SLC26A7: variants seen among roughly 807,000 people sequenced by gnomAD.
SLC26A7 encodes anion exchange transporter.
SLC26A7 carries 59 observed loss-of-function variants against 82.5 expected under a neutral mutation model. The ratio of observed to expected loss-of-function variants is 0.72; its 90% CI spans 0.58 to 0.89. SLC26A7 has a LOEUF of 0.89. SLC26A7 is among the 40% of genes least tolerant of loss of function. SLC26A7 has a pLI of 0.00. For synonymous variants in SLC26A7, 271 were observed against 274.3 expected, an observed-to-expected ratio of 0.99 and a Z score of 0.12; for missense variants, 820 against 793.0, an observed-to-expected ratio of 1.03 and a Z score of -0.41.
chr8:91,358,630 G>GTGA lies in SLC26A7; in HGVS notation c.1315-3723_1315-3722insTGA, dbSNP rs1225522644. ...CAGGTGTGAGTCACCGCACCTGGCC[G>GTGA]CACACATATGTTTGTTGCGGCACTA... On this transcript the variant is annotated intron_variant, in intron 11 of 18. Transcript: ENST00000276609. Among the ~76,000 whole-genome samples, 55 of 152,068 alleles carry GTGA rather than the reference G, an allele frequency of 3.6e-4. 2 individuals are homozygous for GTGA. The highest frequency in any genetic ancestry group is 3.4e-3 in the Middle Eastern group (1 of 294).
At chr8:91,341,442 C>A (rs1348016708) in intron 8 of SLC26A7, among the ~76,000 whole-genome samples, 1 of 152,202 alleles carries the variant, frequency 6.6e-6, no homozygotes, top group African/African-American at 2.4e-5. Flanking sequence ...CTGTGCTGGT[C>A]TGCAGAGAAG....
At chr8:91,236,330 A>G (rs1810392639) in intron 2 of SLC26A7, among the ~76,000 whole-genome samples, 1 of 152,150 alleles carries the variant, frequency 6.6e-6, no homozygotes, top group South Asian at 2.1e-4. Context: ...TCAGGGAATA[A>G]TAGAGTTAGG....
intron 4 of SLC26A7, among the ~76,000 whole-genome samples, chr8:91,310,951 T>A (rs1040149177): frequency 6.6e-6 from 1 of 152,124 alleles, no homozygotes; most frequent in Non-Finnish European, 1.5e-5. Flanking sequence ...AGCTTTCTAA[T>A]AAACTTTCAA....
chr8:91,367,984 C>A (rs1219210574), intron 14 of SLC26A7, among the ~76,000 whole-genome samples: 1 of 152,156 alleles, frequency 6.6e-6, no homozygotes, highest in Non-Finnish European at 1.5e-5. Flanking sequence ...TATACAGGAT[C>A]AGATACGTAA....
chr8:91,258,557 C>T (rs1810871173), intron 2 of SLC26A7, among the ~76,000 whole-genome samples: 2 of 152,034 alleles, frequency 1.3e-5, no homozygotes, highest in Admixed American at 6.6e-5. Context: ...GGCCACTTCC[C>T]TGACAGTACT....
intron 4 of SLC26A7, among the ~76,000 whole-genome samples, chr8:91,302,519 T>G (rs1812195163): frequency 6.6e-6 from 1 of 152,272 alleles, no homozygotes; most frequent in South Asian, 2.1e-4. Flanking sequence ...ATGTGATAGT[T>G]TCTGTGTTGT....
At chr8:91,298,248 A>C (rs1294118529) in intron 4 of SLC26A7, among the ~76,000 whole-genome samples, 1 of 151,836 alleles carries the variant, frequency 6.6e-6, no homozygotes, top group Non-Finnish European at 1.5e-5. Flanking sequence ...TGTAGCTTGT[A>C]TTTGTCTAAA....
At chr8:91,365,296 A>G (rs911971797) in intron 13 of SLC26A7, among the ~76,000 whole-genome samples, 2 of 152,220 alleles carry the variant, frequency 1.3e-5, no homozygotes, top group African/African-American at 4.8e-5. Flanking sequence ...ACTAACACTA[A>G]TGATAGTTGA....
chr8:91,271,805 A>G (rs981375615), intron 2 of SLC26A7, among the ~76,000 whole-genome samples: 3 of 152,116 alleles, frequency 2.0e-5, no homozygotes, highest in African/African-American at 7.2e-5. Context: ...CGTATTAGCC[A>G]GGATGGTCTC....
chr8:91,283,706 C>A (rs1234724932), intron 2 of SLC26A7, among the ~76,000 whole-genome samples: 2 of 152,122 alleles, frequency 1.3e-5, no homozygotes, highest in Non-Finnish European at 2.9e-5. Context: ...CTCTGAAGCT[C>A]AATATTCACG....
intron 4 of SLC26A7, among the ~76,000 whole-genome samples, chr8:91,307,773 C>T (rs1279063945): frequency 6.8e-6 from 1 of 147,934 alleles, no homozygotes; most frequent in Non-Finnish European, 1.5e-5. Context: ...ACAATGTGCA[C>T]ATGTACCCTA....
Position 91,318,189 on chromosome 8 carries a change from C to G in SLC26A7, c.478-27C>G, listed in dbSNP as rs76902869. The G allele has an allele frequency of 1.9e-3, 3,019 of 1,560,058 alleles. 68 individuals are homozygous for G. The South Asian group carries it at 0.026, about 14-fold the overall frequency. The stretch of plus-strand genomic sequence containing the variant: ...ACTTTGGGGAGTTTCATCTGAAGTT[C>G]ATCTCACTTCTCCCTTCTCCTCTTA... On this transcript the variant is annotated intron_variant, in intron 4 of 18. Transcript: ENST00000276609.
Position 91,362,476 on chromosome 8 carries a change from A to G in SLC26A7, c.1421+17A>G. On this transcript the variant is annotated intron_variant, in intron 12 of 18. Coordinates refer to ENST00000276609, the MANE Select transcript of SLC26A7 (RefSeq NM_052832.4). ...CTTCCCAAGGTAGGATCCTATGTAA[A>G]TGCTCTGTTTATTTTTGCACAGCAG... The G allele has an allele frequency of 6.3e-7, 1 of 1,598,520 alleles. No homozygotes were observed. The highest frequency in any genetic ancestry group is 1.1e-5 in the South Asian group (1 of 90,288).
At chr8:91,241,276 T>C (rs890232583) in intron 2 of SLC26A7, among the ~76,000 whole-genome samples, 2 of 152,082 alleles carry the variant, frequency 1.3e-5, no homozygotes, top group African/African-American at 4.8e-5. Context: ...AAATAAAAAA[T>C]TACATGTATA....
In SLC26A7 at chr8:91,389,402, C is replaced by CT; in HGVS notation, c.1746dup (p.Asp583Ter). The CT allele has an allele frequency of 6.2e-7, 1 of 1,613,778 alleles. No homozygotes were observed. The highest frequency in any genetic ancestry group is 8.5e-7 in the Non-Finnish European group (1 of 1,179,774). On this transcript the variant is annotated frameshift_variant, in exon 16 of 19. Coordinates refer to ENST00000276609, the MANE Select transcript of SLC26A7 (RefSeq NM_052832.4). LOFTEE classifies it high-confidence loss of function. The stretch of plus-strand genomic sequence containing the variant: ...TAATCCTGGATTGCAGTGGATTTAC[C>CT]TTTTTTGACTATTCTGGAGTCTCCA...
intron 11 of SLC26A7, among the ~76,000 whole-genome samples, chr8:91,359,658 T>C (rs1327565854): frequency 6.6e-6 from 1 of 152,118 alleles, no homozygotes; most frequent in East Asian, 1.9e-4. Context: ...GATAGATATC[T>C]CTTAGCTGCT....
At chr8:91,356,612 G>A (rs969944837) in intron 11 of SLC26A7, among the ~76,000 whole-genome samples, 1 of 152,138 alleles carries the variant, frequency 6.6e-6, no homozygotes, top group Non-Finnish European at 1.5e-5. Flanking sequence ...TGAGTTCATT[G>A]TAGATTCTGG....
intron 15 of SLC26A7, among the ~76,000 whole-genome samples, chr8:91,379,469 G>T (rs541038793): frequency 6.6e-6 from 1 of 152,092 alleles, no homozygotes; most frequent in East Asian, 1.9e-4. Flanking sequence ...AAATAAATAG[G>T]TCAATATGAC....
At chr8:91,332,781 C>T (rs1813129982) in intron 5 of SLC26A7, among the ~76,000 whole-genome samples, 1 of 151,884 alleles carries the variant, frequency 6.6e-6, no homozygotes, top group South Asian at 2.1e-4. Flanking sequence ...ATCCTTCTGC[C>T]TCAGCTTCCC....
Sources: allele counts gnomAD v4.1 joint callset (sites outside exome capture counted in the v4.1 genomes callset), GRCh38; gene constraint gnomAD v4.1.1; transcripts MANE v1.5; gene names NCBI Gene and HGNC (gene_info 2026-07-23, HGNC 2026-07-21).